The following NOLC1 variants were observed in gnomAD, a reference collection of about 807,000 sequenced individuals.
The protein encoded by NOLC1 is nucleolar and coiled-body phosphoprotein 1.
In NOLC1, 37 loss-of-function variants were observed where a neutral mutation model predicts 73.4. The ratio of observed to expected loss-of-function variants is 0.50; its 90% CI spans 0.39 to 0.66. The LOEUF is 0.66. Among genes scored for constraint, NOLC1 ranks in the 30% least tolerant of loss-of-function variants. The probability of loss-of-function intolerance (pLI) is 0.00; values close to 1 mark genes in which losing one functional copy is unlikely to be tolerated. For synonymous variants in NOLC1, 327 were observed against 302.6 expected, an observed-to-expected ratio of 1.08 and a Z score of -0.84; for missense variants, 921 against 838.9, an observed-to-expected ratio of 1.10 and a Z score of -1.21.
intron 1 of NOLC1, among the ~76,000 whole-genome samples, chr10:102,156,203 A>C (rs768030928): frequency 5.3e-5 from 8 of 152,202 alleles, no homozygotes; most frequent in Admixed American, 1.3e-4. Flanking sequence ...TTCTTGTATT[A>C]GTGTTTGTAC....
intron 1 of NOLC1, among the ~76,000 whole-genome samples, chr10:102,156,054 G>A (rs988112268): frequency 5.3e-5 from 8 of 152,210 alleles, no homozygotes; most frequent in Non-Finnish European, 8.8e-5. Flanking sequence ...TGGCCAGGCT[G>A]GTCTTGAACT....
At chr10:102,159,676 C>A in intron 7 of NOLC1, 108 bp downstream of exon 7, 1 of 1,236,238 alleles carries the variant, frequency 8.1e-7, no homozygotes, top group Non-Finnish European at 1.1e-6. Flanking sequence ...GACATGACAG[C>A]TAGCTTCTCC....
chr10:102,161,140 A>G lies in NOLC1; in HGVS notation c.1741+47A>G, dbSNP rs769279110. Reference sequence around the variant, plus strand: ...CCTCTGGGTTTTGTCCCCCCAAATCAGGATGGGATATACTCTTTGAGAGTA... The same window carrying G: ...CCTCTGGGTTTTGTCCCCCCAAATCGGGATGGGATATACTCTTTGAGAGTA... On this transcript the variant is annotated intron_variant, in intron 10 of 12. Transcript: ENST00000605788. 2.6e-6 allele frequency: 4 copies of G among 1,538,554 alleles called. No homozygotes were observed. The East Asian group carries it at 9.0e-5, about 35-fold the overall frequency.
At chr10:102,155,041 T>TG (rs35127786) in intron 1 of NOLC1, among the ~76,000 whole-genome samples, 21 of 147,366 alleles carry the variant, frequency 1.4e-4, no homozygotes, top group African/African-American at 3.3e-4. Context: ...TTTTTTTTTT[T>TG]GTGACAGTTT....
chr10:102,153,358 G>A (rs1348747802), intron 1 of NOLC1, among the ~76,000 whole-genome samples: 1 of 152,228 alleles, frequency 6.6e-6, no homozygotes, highest in Non-Finnish European at 1.5e-5. Context: ...AAGAGTAAGA[G>A]AACCAGGAAT....
intron 1 of NOLC1, among the ~76,000 whole-genome samples, chr10:102,155,217 G>A (rs2069574868): frequency 1.3e-5 from 2 of 151,688 alleles, no homozygotes; most frequent in South Asian, 4.2e-4. Context: ...TAGAGACGGG[G>A]TTTCTCCATG....
intron 1 of NOLC1, among the ~76,000 whole-genome samples, chr10:102,154,951 G>T (rs572321899): frequency 8.6e-5 from 13 of 151,918 alleles, no homozygotes; most frequent in Non-Finnish European, 1.6e-4. Flanking sequence ...GAACTCCTGG[G>T]CTCAGGCAAT....
intron 5 of NOLC1, 89 bp downstream of exon 5, chr10:102,158,303 A>G (rs546718150): frequency 6.1e-6 from 7 of 1,138,970 alleles, no homozygotes; most frequent in Non-Finnish European, 8.7e-6. Flanking sequence ...CAGGGGTGAA[A>G]TGGTACTGTT....
At chr10:102,160,157 T>C in intron 8 of NOLC1, 76 bp from the exon 9 acceptor site, 2 of 1,593,108 alleles carry the variant, frequency 1.3e-6, no homozygotes, top group Non-Finnish European at 1.7e-6. Flanking sequence ...TCTGTGCGTG[T>C]CTTTGCATTC....
At chr10:102,157,385 T>G in intron 3 of NOLC1, 46 bp from the exon 4 acceptor site, 1 of 1,613,634 alleles carries the variant, frequency 6.2e-7, no homozygotes, top group Admixed American at 1.7e-5. Flanking sequence ...TACAGCCTGC[T>G]TGTTTCACAT....
rs373265673 is a variant in NOLC1, at chr10:102,158,040, T to G, written c.442-9T>G. 9 of 1,611,370 alleles carry G rather than the reference T, an allele frequency of 5.6e-6. No homozygotes were observed. Among genetic ancestry groups the G allele is most frequent in the Non-Finnish European group, 6.8e-6 (8 of 1,179,004 alleles). On this transcript the variant is annotated splice_polypyrimidine_tract_variant and intron_variant, in intron 4 of 12. Transcript: ENST00000605788. Reference sequence around the variant, plus strand: ...TTGCTGATTTCTCTCCTTGTGTCTTTTCTAACAGAAGGGAGTTAAGCCCCA... The same window carrying G: ...TTGCTGATTTCTCTCCTTGTGTCTTGTCTAACAGAAGGGAGTTAAGCCCCA...
intron 1 of NOLC1, among the ~76,000 whole-genome samples, chr10:102,153,350 GAGTA>G (rs930687945): frequency 3.9e-5 from 6 of 152,218 alleles, no homozygotes; most frequent in Admixed American, 6.5e-5. Flanking sequence ...ACACATGTAA[GAGTA>G]AGAGAACCAG....
At chr10:102,156,164 G>A (rs1488238202) in intron 1 of NOLC1, among the ~76,000 whole-genome samples, 7 of 152,222 alleles carry the variant, frequency 4.6e-5, no homozygotes, top group Admixed American at 6.5e-5. Flanking sequence ...TAATGATTTG[G>A]TATTATAATC....
chr10:102,152,664 C>T, intron 1 of NOLC1, 134 bp downstream of exon 1: 1 of 1,271,880 alleles, frequency 7.9e-7, no homozygotes, highest in Non-Finnish European at 1.1e-6. Flanking sequence ...ACGCCGACCC[C>T]TCGGCAGTGA....
intron 10 of NOLC1, among the ~76,000 whole-genome samples, chr10:102,161,344 C>A (rs2069706466): frequency 6.6e-6 from 1 of 152,060 alleles, no homozygotes; most frequent in Admixed American, 6.5e-5. Context: ...GATCTTTCCA[C>A]CCCAGCCTCC....
chr10:102,155,661 A>G (rs1380100400), intron 1 of NOLC1, among the ~76,000 whole-genome samples: 5 of 151,442 alleles, frequency 3.3e-5, no homozygotes, highest in African/African-American at 4.9e-5. Context: ...GGTGTGCACC[A>G]CCATGCCCAG....
chr10:102,160,808 T>C lies in NOLC1; in HGVS notation c.1456T>C (p.Ser486Pro). The C allele has an allele frequency of 1.2e-6, 2 of 1,613,848 alleles. No homozygotes were observed. The highest frequency in any genetic ancestry group is 2.2e-5 in the South Asian group (2 of 91,074). ...SSSEEEEEKT[S>P]KSAVKKKPQK... Reference sequence around the variant, plus strand: ...CAGTGAGGAGGAGGAAGAGAAGACATCTAAGTCTGCAGTTAAGAAGAAGCC... The same window carrying C: ...CAGTGAGGAGGAGGAAGAGAAGACACCTAAGTCTGCAGTTAAGAAGAAGCC... The change falls in exon 10 of 13, where the codon TCT becomes CCT. Residue 486 changes from serine (S) to proline (P), a missense_variant. Physicochemically the swap from Ser to Pro is moderately conservative, Grantham distance 74. Coordinates refer to ENST00000605788, the MANE Select transcript of NOLC1 (RefSeq NM_004741.5).
intron 1 of NOLC1, among the ~76,000 whole-genome samples, chr10:102,155,863 CT>C (rs529221714): frequency 2.9e-4 from 43 of 147,116 alleles, no homozygotes; most frequent in Admixed American, 2.7e-4. Flanking sequence ...TTGTTTCTTT[CT>C]TTTTTTTTTT....
intron 9 of NOLC1, 38 bp from the exon 10 acceptor site, chr10:102,160,414 A>G (rs1239570522): frequency 1.1e-5 from 17 of 1,612,192 alleles, no homozygotes; most frequent in East Asian, 4.5e-5. Flanking sequence ...CCTGAATCCA[A>G]TTTGGGGAGC....
Sources: gnomAD v4.1 joint callset for allele counts (sites outside exome capture counted in the v4.1 genomes callset) on GRCh38, gnomAD v4.1.1 for gene constraint, MANE v1.5 for transcripts, NCBI Gene and HGNC (gene_info 2026-07-23, HGNC 2026-07-21) for gene names.